Variants in CHD9 observed in about 807,000 individuals in gnomAD.
The protein encoded by CHD9 is ATP-dependent chromatin remodeler CHD9.
A neutral mutation model predicts 316.1 loss-of-function variants in CHD9; 77 were observed. The observed-to-expected ratio is 0.24, with a 90% CI of 0.20 to 0.29. The LOEUF (loss-of-function observed/expected upper bound fraction) is 0.29. Ranked by LOEUF, CHD9 falls within the 10% of genes least tolerant of loss-of-function variation. CHD9 has a pLI of 1.00. For synonymous variants in CHD9, 1,129 were observed against 1,158.3 expected, an observed-to-expected ratio of 0.97 and a Z score of 0.51; for missense variants, 2,763 against 3,438.1, an observed-to-expected ratio of 0.80 and a Z score of 4.91.
At chr16:53,140,148 G>C (rs1481297678) in intron 1 of CHD9, among the ~76,000 whole-genome samples, 2 of 151,456 alleles carry the variant, frequency 1.3e-5, no homozygotes, top group African/African-American at 4.9e-5. Context: ...AATATGAATT[G>C]AAATTTAGCA....
chr16:53,166,855 C>T (rs1260955762), intron 2 of CHD9, among the ~76,000 whole-genome samples: 1 of 152,080 alleles, frequency 6.6e-6, no homozygotes, highest in African/African-American at 2.4e-5. Flanking sequence ...GCTGTTTTTC[C>T]TACATAAGTA....
chr16:53,104,614 C>T (rs1421325791), intron 1 of CHD9, among the ~76,000 whole-genome samples: 5 of 151,968 alleles, frequency 3.3e-5, no homozygotes, highest in African/African-American at 1.2e-4. Context: ...AGTTGAAGAC[C>T]AACCTGGCCA....
intron 2 of CHD9, among the ~76,000 whole-genome samples, chr16:53,199,921 G>A (rs1185274708): frequency 1.3e-5 from 2 of 152,306 alleles, no homozygotes; most frequent in East Asian, 1.9e-4. Context: ...TAATCATAGT[G>A]TCAGATTATA....
chr16:53,107,488 A>T lies in CHD9; in HGVS notation c.-164-48438A>T, dbSNP rs200744029. Reference sequence around the variant, plus strand: ...ATAAAATAAAATAAAATAAAATAAAATAAATAAAATAAAATAAAATAAAAT... The same window carrying T: ...ATAAAATAAAATAAAATAAAATAAATTAAATAAAATAAAATAAAATAAAAT... On this transcript the variant is annotated intron_variant, in intron 1 of 38. Coordinates refer to ENST00000447540, the MANE Select transcript of CHD9 (RefSeq NM_001308319.2). Among the ~76,000 whole-genome samples the T allele has an allele frequency of 3.7e-3, 321 of 87,868 alleles. 2 individuals are homozygous for T. The highest frequency in any genetic ancestry group is 7.6e-3 in the Non-Finnish European group (251 of 33,164). The allele number at this position is 87,868 out of a possible 152,430, so 57.6% of individuals were successfully genotyped here. A position where few individuals can be genotyped will look rare whatever the true frequency, so the allele number is the denominator to read the frequency against.
At chr16:53,204,010 C>A (rs1262902362) in intron 2 of CHD9, among the ~76,000 whole-genome samples, 1 of 106,708 alleles carries the variant, frequency 9.4e-6, no homozygotes, top group Non-Finnish European at 1.7e-5. Context: ...GGCGACAGAG[C>A]AAGACTCCAT....
At chr16:53,306,841 A>C (rs1022776497) in intron 32 of CHD9, among the ~76,000 whole-genome samples, 3 of 152,060 alleles carry the variant, frequency 2.0e-5, no homozygotes, top group Admixed American at 2.0e-4. Flanking sequence ...TTACAGTGGC[A>C]CAATCTCAGC....
intron 3 of CHD9, among the ~76,000 whole-genome samples, chr16:53,214,662 G>A (rs73597672): frequency 0.032 from 4,920 of 152,044 alleles, 99 homozygotes; most frequent in Middle Eastern, 0.071. Flanking sequence ...GTAACTTATT[G>A]CGAATTTCAA....
At chr16:53,236,916 T>C (rs1277016468) in intron 11 of CHD9, among the ~76,000 whole-genome samples, 2 of 151,720 alleles carry the variant, frequency 1.3e-5, no homozygotes, top group African/African-American at 4.8e-5. Flanking sequence ...TGTCTTTAGC[T>C]CTCTTTTCAT....
chr16:53,267,224 A>G, intron 20 of CHD9, 70 bp from the exon 21 acceptor site: 3 of 980,380 alleles, frequency 3.1e-6, no homozygotes, highest in Non-Finnish European at 4.3e-6. Flanking sequence ...TGTATAAGGT[A>G]AAAATGTAGA....
chr16:53,067,884 G>A (rs992359894), intron 1 of CHD9, among the ~76,000 whole-genome samples: 1 of 152,014 alleles, frequency 6.6e-6, no homozygotes, highest in African/African-American at 2.4e-5. Context: ...AACATAGTGA[G>A]ACCCCAACTC....
chr16:53,245,415 C>G lies in CHD9; in HGVS notation c.3134C>G (p.Pro1045Arg). 6.2e-7 allele frequency: 1 copy of G among 1,605,100 alleles called. No homozygotes were observed. The highest frequency in any genetic ancestry group is 8.5e-7 in the Non-Finnish European group (1 of 1,176,584). Residue 1045 changes from proline (P) to arginine (R), a missense_variant, in exon 14 of 39, where the codon CCC becomes CGC. Physicochemically the swap from Pro to Arg is moderately radical, Grantham distance 103 (BLOSUM62 -2). Transcript: ENST00000447540. The surrounding 1 kb of genome is among the most constrained non-coding windows in gnomAD (Gnocchi z 4.1). ...ELFSLLHFLEPLRFPSESTFM... is the reference protein window; with the variant it reads ...ELFSLLHFLERLRFPSESTFM... ...TTTAGTCTTCTTCACTTTCTTGAAC[C>G]CTTAAGGTTTCCTTCTGAATCAACA... is the stretch of plus-strand genomic sequence containing the variant.
intron 1 of CHD9, among the ~76,000 whole-genome samples, chr16:53,142,881 A>G (rs976872976): frequency 4.6e-5 from 7 of 152,260 alleles, no homozygotes; most frequent in African/African-American, 9.6e-5. Flanking sequence ...TCCAAGGTCA[A>G]GAGGCCTGCA....
intron 2 of CHD9, among the ~76,000 whole-genome samples, chr16:53,177,562 T>C (rs2043174712): frequency 6.6e-6 from 1 of 152,214 alleles, no homozygotes; most frequent in African/African-American, 2.4e-5. Flanking sequence ...AGAGTCTACA[T>C]AGCCTTTTAG....
intron 1 of CHD9, among the ~76,000 whole-genome samples, chr16:53,146,853 A>G (rs2040674183): frequency 6.6e-6 from 1 of 151,988 alleles, no homozygotes; most frequent in African/African-American, 2.4e-5. Context: ...TACCACATTA[A>G]AAAAGGTTTT....
Position 53,326,106 on chromosome 16 carries a change from T to C in CHD9, c.*1211T>C, listed in dbSNP as rs2057531440. The C allele has an allele frequency of 6.6e-6, 1 of 152,518 alleles. No homozygotes were observed. 9.4% of individuals were successfully genotyped at this position (152,518 alleles called of 1,614,324 possible). Reference sequence around the variant, plus strand: ...CCACAAAAGTGAAGCCTGAGGCTTCTGTTCAATTTCATAGACTCCTTTACC... The same window carrying C: ...CCACAAAAGTGAAGCCTGAGGCTTCCGTTCAATTTCATAGACTCCTTTACC... On this transcript the variant is annotated 3_prime_UTR_variant, in exon 39 of 39. Coordinates refer to ENST00000447540, the MANE Select transcript of CHD9 (RefSeq NM_001308319.2).
chr16:53,077,425 G>T (rs781005314), intron 1 of CHD9, among the ~76,000 whole-genome samples: 1 of 151,802 alleles, frequency 6.6e-6, no homozygotes, highest in Non-Finnish European at 1.5e-5. Context: ...CTGGGTTCAT[G>T]CCATTCTCCC....
At chr16:53,290,778 G>GA (rs1287711913) in intron 27 of CHD9, among the ~76,000 whole-genome samples, 29 of 150,964 alleles carry the variant, frequency 1.9e-4, no homozygotes, top group African/African-American at 6.1e-4. Context: ...ACCCTGTCTC[G>GA]AAAAACAAAA....
intron 38 of CHD9, among the ~76,000 whole-genome samples, chr16:53,322,275 G>T (rs1190397785): frequency 6.6e-6 from 1 of 151,476 alleles, no homozygotes; most frequent in East Asian, 2.0e-4. Context: ...AGGATTACAG[G>T]CCTGAGCCAC....
intron 1 of CHD9, among the ~76,000 whole-genome samples, chr16:53,128,089 A>G (rs1305328119): frequency 6.6e-6 from 1 of 152,134 alleles, no homozygotes; most frequent in Non-Finnish European, 1.5e-5. Flanking sequence ...GAGGAGAGCC[A>G]CTCCGTCATA....
Sources: gnomAD v4.1 joint callset for allele counts (sites outside exome capture counted in the v4.1 genomes callset) on GRCh38, gnomAD v4.1.1 for gene constraint, Gnocchi (gnomAD v3.1) non-coding constraint, MANE v1.5 for transcripts, NCBI Gene and HGNC (gene_info 2026-07-23, HGNC 2026-07-21) for gene names.